RAPGEF4: variants seen among roughly 807,000 people sequenced by gnomAD.
RAPGEF4 encodes the protein RAP guanine-nucleotide-exchange factor (GEF) 4.
RAPGEF4 carries 66 observed loss-of-function variants against 147.9 expected under a neutral mutation model. The ratio of observed to expected loss-of-function variants is 0.45; its 90% CI spans 0.37 to 0.55. The LOEUF (loss-of-function observed/expected upper bound fraction) is 0.55, where lower values mean the gene tolerates loss of function less well. Ranked by LOEUF, RAPGEF4 falls within the 20% of genes least tolerant of loss-of-function variation. The pLI is 0.00. For missense variants in RAPGEF4, 1,071 were observed against 1,257.3 expected, an observed-to-expected ratio of 0.85 and a Z score of 2.24; for synonymous variants, 419 against 442.7, an observed-to-expected ratio of 0.95 and a Z score of 0.67.
intron 15 of RAPGEF4, among the ~76,000 whole-genome samples, chr2:172,993,463 G>A (rs1693026854): frequency 6.6e-6 from 1 of 152,168 alleles, no homozygotes; most frequent in Non-Finnish European, 1.5e-5. Context: ...ACAGATTGTA[G>A]TGTCCTCATT....
At chr2:173,029,827 T>C (rs921658044) in intron 25 of RAPGEF4, among the ~76,000 whole-genome samples, 2 of 152,192 alleles carry the variant, frequency 1.3e-5, no homozygotes, top group Non-Finnish European at 2.9e-5. Context: ...ACTTCACTTT[T>C]TTTCTTACCC....
chr2:173,029,248 G>A (rs1356774897), intron 25 of RAPGEF4, among the ~76,000 whole-genome samples: 1 of 152,180 alleles, frequency 6.6e-6, no homozygotes, highest in Admixed American at 6.5e-5. Context: ...GGTAGCAAAT[G>A]CAACAATTTA....
intron 4 of RAPGEF4, among the ~76,000 whole-genome samples, chr2:172,889,592 G>A (rs1046841993): frequency 1.3e-5 from 2 of 151,584 alleles, no homozygotes; most frequent in East Asian, 1.9e-4. Context: ...ATGTTTATAC[G>A]CAAGGACAGG....
chr2:172,745,786 C>T (rs996010743), intron 1 of RAPGEF4, among the ~76,000 whole-genome samples: 1 of 152,160 alleles, frequency 6.6e-6, no homozygotes, highest in African/African-American at 2.4e-5. Flanking sequence ...ATTAATCAAG[C>T]TGATACTGGG....
intron 3 of RAPGEF4, among the ~76,000 whole-genome samples, chr2:172,797,938 AAGG>A: frequency 6.6e-6 from 1 of 152,186 alleles, no homozygotes; most frequent in Non-Finnish European, 1.5e-5. Flanking sequence ...AATGTGAGTG[AAGG>A]AGAAGGAGAA....
At chr2:172,893,512 G>A (rs1053398637) in intron 4 of RAPGEF4, among the ~76,000 whole-genome samples, 4 of 152,204 alleles carry the variant, frequency 2.6e-5, no homozygotes, top group Admixed American at 2.6e-4. Context: ...AATCATGGGA[G>A]TTGAGCACAA....
intron 4 of RAPGEF4, among the ~76,000 whole-genome samples, chr2:172,845,356 G>C (rs1692061091): frequency 6.6e-6 from 1 of 152,220 alleles, no homozygotes; most frequent in African/African-American, 2.4e-5. Context: ...TGACAGTTCA[G>C]GGAATGGCCC....
chr2:173,030,774 AG>A (rs1473710026), intron 26 of RAPGEF4, among the ~76,000 whole-genome samples: 1 of 152,208 alleles, frequency 6.6e-6, no homozygotes, highest in Admixed American at 6.5e-5. Flanking sequence ...CTCCACGGAG[AG>A]GAACAACAGT....
intron 4 of RAPGEF4, among the ~76,000 whole-genome samples, chr2:172,863,926 A>G (rs534273551): frequency 8.1e-6 from 1 of 123,520 alleles, no homozygotes; most frequent in Admixed American, 8.3e-5. Flanking sequence ...TTAAGCAATG[A>G]CTATATAAGC....
At chr2:172,920,711 T>C (rs924507911) in intron 5 of RAPGEF4, among the ~76,000 whole-genome samples, 3 of 152,196 alleles carry the variant, frequency 2.0e-5, no homozygotes, top group Non-Finnish European at 4.4e-5. Context: ...TATGGTGATT[T>C]GTGCAACTGT....
At chr2:172,756,006 A>G (rs114592607) in intron 1 of RAPGEF4, among the ~76,000 whole-genome samples, 1,652 of 152,284 alleles carry the variant, frequency 0.011, 17 homozygotes, top group South Asian at 0.036. Context: ...TCTCGCCAGC[A>G]CTTTGTAGCC....
chr2:172,885,977 G>A (rs1421948456), intron 4 of RAPGEF4, among the ~76,000 whole-genome samples: 1 of 152,144 alleles, frequency 6.6e-6, no homozygotes, highest in Non-Finnish European at 1.5e-5. Flanking sequence ...TGAGACCAGT[G>A]CAGCCACTGG....
intron 1 of RAPGEF4, among the ~76,000 whole-genome samples, chr2:172,790,369 A>G (rs1203785064): frequency 1.3e-5 from 2 of 152,180 alleles, no homozygotes; most frequent in Admixed American, 6.5e-5. Flanking sequence ...TGTTTTAAAA[A>G]TGAAAGTTTT....
chr2:172,917,619 C>G, intron 4 of RAPGEF4, 183 bp from the exon 5 acceptor site: 2 of 679,292 alleles, frequency 2.9e-6, no homozygotes, highest in East Asian at 5.4e-5. Context: ...TTCAGGAAGA[C>G]CTGTTTAGAA....
chr2:173,002,984 A>G (rs1694083171), intron 17 of RAPGEF4, among the ~76,000 whole-genome samples: 1 of 152,224 alleles, frequency 6.6e-6, no homozygotes, highest in African/African-American at 2.4e-5. Flanking sequence ...GATTTGCTGG[A>G]AGGAAAAATA....
chr2:172,944,006 A>T (rs1687428886), intron 6 of RAPGEF4, among the ~76,000 whole-genome samples: 2 of 152,192 alleles, frequency 1.3e-5, no homozygotes, highest in African/African-American at 2.4e-5. Context: ...GGATTTGCAA[A>T]CAGTCAGTCA....
rs530481187 is a variant in RAPGEF4 at position 172,736,065 on chromosome 2, C to A, written c.65+17C>A. The A allele has an allele frequency of 6.9e-7, 1 of 1,458,968 alleles. No homozygotes were observed. Among genetic ancestry groups the A allele is most frequent in the South Asian group, 1.3e-5 (1 of 76,682 alleles). 90.4% of individuals were successfully genotyped at this position (1,458,968 alleles called of 1,614,324 possible). ...GGATAAAAGGTAGCTCGCCGGGGGCCGCAGCCGGGGGCCGAGCTCTGCGGT... is the reference window on the plus strand; with the variant it reads ...GGATAAAAGGTAGCTCGCCGGGGGCAGCAGCCGGGGGCCGAGCTCTGCGGT... On this transcript the variant is annotated intron_variant, in intron 1 of 30. Coordinates refer to ENST00000397081, the MANE Select transcript of RAPGEF4 (RefSeq NM_007023.4).
intron 4 of RAPGEF4, among the ~76,000 whole-genome samples, chr2:172,879,279 A>G (rs1696332888): frequency 6.6e-6 from 1 of 152,216 alleles, no homozygotes; most frequent in African/African-American, 2.4e-5. Flanking sequence ...TCCAAGACAC[A>G]CTGCTAATGC....
chr2:172,990,298 G>A (rs1016373410), intron 14 of RAPGEF4, among the ~76,000 whole-genome samples: 1 of 152,136 alleles, frequency 6.6e-6, no homozygotes, highest in African/African-American at 2.4e-5. Context: ...TATCATTGAT[G>A]TAATTTATAA....
Sources: allele counts gnomAD v4.1 joint callset (sites outside exome capture counted in the v4.1 genomes callset), GRCh38; gene constraint gnomAD v4.1.1; transcripts MANE v1.5; gene names NCBI Gene and HGNC (gene_info 2026-07-23, HGNC 2026-07-21).